ADCY2: variants seen among roughly 807,000 people sequenced by gnomAD.
ADCY2 encodes the protein adenylate cyclase type 2.
ADCY2 carries 31 observed loss-of-function variants against 125.2 expected under a neutral mutation model. That is an observed-to-expected ratio of 0.25 (90% CI 0.19 to 0.33). The LOEUF is 0.33. Among genes scored for constraint, ADCY2 ranks in the 10% least tolerant of loss-of-function variants. The pLI, the probability that ADCY2 is intolerant of heterozygous loss-of-function variation, is 1.00. For missense variants in ADCY2, 904 were observed against 1,418.2 expected (o/e 0.64, Z 5.82); for synonymous variants, 512 against 548.4 (o/e 0.93, Z 0.93).
chr5:7,450,956 G>A (rs1741449267), intron 2 of ADCY2, among the ~76,000 whole-genome samples: 1 of 152,062 alleles, frequency 6.6e-6, no homozygotes, highest in Admixed American at 6.6e-5. Context: ...TACTGTTGAG[G>A]CCTACTGCTT....
intron 2 of ADCY2, among the ~76,000 whole-genome samples, chr5:7,440,237 A>AT (rs1261094572): frequency 9.9e-5 from 15 of 152,218 alleles, no homozygotes; most frequent in African/African-American, 3.4e-4. Flanking sequence ...CATTACTTTT[A>AT]TATTTATTAA....
At chr5:7,736,864 C>G (rs1742264664) in intron 14 of ADCY2, among the ~76,000 whole-genome samples, 1 of 152,142 alleles carries the variant, frequency 6.6e-6, no homozygotes, top group Non-Finnish European at 1.5e-5. Context: ...GTCTCTAAAT[C>G]AGTTGATATG....
chr5:7,542,123 T>G (rs1338339687), intron 3 of ADCY2, among the ~76,000 whole-genome samples: 1 of 152,062 alleles, frequency 6.6e-6, no homozygotes, highest in Non-Finnish European at 1.5e-5. Context: ...AGCTTATAAG[T>G]GGAAGATGTA....
At chr5:7,814,281 C>G (rs914444046) in intron 22 of ADCY2, among the ~76,000 whole-genome samples, 5 of 152,104 alleles carry the variant, frequency 3.3e-5, no homozygotes, top group Non-Finnish European at 5.9e-5. Context: ...TTCTTCTTCT[C>G]CATTCATATT....
At chr5:7,693,413 G>GTTGTTTTTTTTTTTTT (rs1740779352) in intron 5 of ADCY2, among the ~76,000 whole-genome samples, 2 of 32,422 alleles carry the variant, frequency 6.2e-5, no homozygotes, top group African/African-American at 1.3e-4. Context: ...GCTGTTTTTT[G>GTTGTTTTTTTTTTTTT]TTTTTTTTTT....
At chr5:7,776,503 G>A (rs1009296207) in intron 18 of ADCY2, among the ~76,000 whole-genome samples, 4 of 152,176 alleles carry the variant, frequency 2.6e-5, no homozygotes, top group African/African-American at 4.8e-5. Context: ...GTCCACCCAG[G>A]CCCCTAGACC....
chr5:7,495,973 G>T (rs2126495566), intron 2 of ADCY2, among the ~76,000 whole-genome samples: 1 of 152,292 alleles, frequency 6.6e-6, no homozygotes, highest in Non-Finnish European at 1.5e-5. Flanking sequence ...GTAACCCATT[G>T]TAAGTGCAGT....
intron 3 of ADCY2, among the ~76,000 whole-genome samples, chr5:7,598,269 C>T (rs978177451): frequency 6.6e-6 from 1 of 152,106 alleles, no homozygotes; most frequent in African/African-American, 2.4e-5. Flanking sequence ...GCCTCGAGGC[C>T]AGACTCGTGG....
intron 19 of ADCY2, among the ~76,000 whole-genome samples, chr5:7,785,536 C>T (rs377722099): frequency 3.3e-5 from 5 of 150,408 alleles, no homozygotes; most frequent in African/African-American, 9.8e-5. Flanking sequence ...GTTTTGACAA[C>T]CTGCACCATA....
intron 3 of ADCY2, among the ~76,000 whole-genome samples, chr5:7,606,801 C>T (rs1737393017): frequency 6.6e-6 from 1 of 152,144 alleles, no homozygotes; most frequent in Admixed American, 6.5e-5. Flanking sequence ...GGTATACATA[C>T]ATTATATGTA....
At chr5:7,625,864 C>T (rs887589386) in intron 3 of ADCY2, among the ~76,000 whole-genome samples, 16 of 152,134 alleles carry the variant, frequency 1.1e-4, no homozygotes, top group Admixed American at 8.5e-4. Context: ...CTGGATCTAG[C>T]TCGTGATTAT....
chr5:7,399,483 G>T (rs1209500745), intron 1 of ADCY2, among the ~76,000 whole-genome samples: 1 of 152,178 alleles, frequency 6.6e-6, no homozygotes, highest in East Asian at 1.9e-4. Flanking sequence ...CCTTGATTCT[G>T]CATTGTTGGC....
At chr5:7,520,631 GAGCA>G in intron 2 of ADCY2, 103 bp from the exon 3 acceptor site, 1 of 1,201,356 alleles carries the variant, frequency 8.3e-7, no homozygotes, top group Non-Finnish European at 1.2e-6. Flanking sequence ...TTTCTAAAAT[GAGCA>G]TGTCTCATGC....
intron 2 of ADCY2, among the ~76,000 whole-genome samples, chr5:7,493,149 G>A (rs1743224901): frequency 6.6e-6 from 1 of 152,174 alleles, no homozygotes; most frequent in African/African-American, 2.4e-5. Flanking sequence ...GAAAAAGAAA[G>A]CAGAAGTAAA....
In ADCY2 at chr5:7,396,631, C is replaced by T. The variant is rs1194960020; in HGVS notation, c.210+125C>T. The T allele has an allele frequency of 4.1e-5, 25 of 605,256 alleles. No homozygotes were observed. The highest frequency in any genetic ancestry group is 5.8e-5 in the Non-Finnish European group (25 of 427,736). 37.5% of individuals were successfully genotyped at this position (605,256 alleles called of 1,614,324 possible). ...GCGGCAGCCCCTCGGCCCGCGGCAG[C>T]CCCTCGGCCCGCGGCTCCCTGCTTC... On this transcript the variant is annotated intron_variant, in intron 1 of 24. Coordinates refer to ENST00000338316, the MANE Select transcript of ADCY2 (RefSeq NM_020546.3). The surrounding 1 kb of genome is among the most constrained non-coding windows in gnomAD (Gnocchi z 5.7).
chr5:7,808,791 T>C (rs914514102), intron 22 of ADCY2, among the ~76,000 whole-genome samples: 1 of 152,184 alleles, frequency 6.6e-6, no homozygotes, highest in African/African-American at 2.4e-5. Flanking sequence ...CCCAGCCCTT[T>C]AGCAAATCCC....
At chr5:7,546,100 G>A (rs528239867) in intron 3 of ADCY2, among the ~76,000 whole-genome samples, 19 of 152,222 alleles carry the variant, frequency 1.2e-4, no homozygotes, top group Admixed American at 5.9e-4. Context: ...ATGCCATACA[G>A]CCCTCCGTTA....
chr5:7,490,081 A>G (rs980751310), intron 2 of ADCY2, among the ~76,000 whole-genome samples: 17 of 152,046 alleles, frequency 1.1e-4, no homozygotes, highest in African/African-American at 4.1e-4. Context: ...CTGGGGTACT[A>G]TTTCTGAGAA....
intron 4 of ADCY2, among the ~76,000 whole-genome samples, chr5:7,688,181 A>G (rs1384541816): frequency 6.6e-6 from 1 of 152,152 alleles, no homozygotes; most frequent in African/African-American, 2.4e-5. Context: ...TTCAATGGGA[A>G]ACCTCAAAGC....
Sources: allele counts gnomAD v4.1 joint callset (sites outside exome capture counted in the v4.1 genomes callset), GRCh38; gene constraint gnomAD v4.1.1; non-coding constraint Gnocchi (gnomAD v3.1); transcripts MANE v1.5; gene names NCBI Gene and HGNC (gene_info 2026-07-23, HGNC 2026-07-21).